The following NDFIP2 variants were observed in gnomAD, a reference collection of about 807,000 sequenced individuals.
The protein encoded by NDFIP2 is NEDD4 family-interacting protein 2.
Under a neutral mutation model 36.0 loss-of-function variants are expected in NDFIP2, and 19 were observed. The ratio of observed to expected loss-of-function variants is 0.53; its 90% CI spans 0.37 to 0.77. NDFIP2 has a LOEUF of 0.77. Ranked by LOEUF, NDFIP2 falls within the 30% of genes least tolerant of loss-of-function variation. The pLI is 0.00. For missense variants in NDFIP2, 446 were observed against 435.8 expected (o/e 1.02, Z -0.21); for synonymous variants, 181 against 167.7 (o/e 1.08, Z -0.61).
At chr13:79,488,327 C>G (rs1405810187) in intron 1 of NDFIP2, among the ~76,000 whole-genome samples, 1 of 151,968 alleles carries the variant, frequency 6.6e-6, no homozygotes, top group Non-Finnish European at 1.5e-5. Flanking sequence ...ATTTCTCTTG[C>G]TATTTTTGTG....
chr13:79,511,816 T>C (rs1295972230), intron 1 of NDFIP2, among the ~76,000 whole-genome samples: 2 of 152,140 alleles, frequency 1.3e-5, no homozygotes, highest in African/African-American at 4.8e-5. Context: ...CCAAATCTAA[T>C]TAGAGATTGC....
rs1459644370 is a variant in NDFIP2 at position 79,539,707 on chromosome 13, G to C, written c.647G>C (p.Arg216Thr). 1.2e-6 allele frequency: 2 copies of C among 1,613,702 alleles called. No homozygotes were observed. Among genetic ancestry groups the C allele is most frequent in the Non-Finnish European group, 1.7e-6 (2 of 1,179,822 alleles). The change falls in exon 4 of 8, where the codon AGA becomes ACA. Residue 216 changes from arginine to threonine, a missense_variant. Physicochemically the swap from Arg to Thr is moderately conservative, Grantham distance 71. Transcript: ENST00000218652. ...ATTCAGGAGGAAGAGTGTCCACCAA[G>C]AGATGACTTCAGTGATGCAGACCAG... ...QRIQEEECPP[R>T]DDFSDADQLR... is the part of the protein sequence containing the mutation.
chr13:79,525,381 A>G (rs1454998706), intron 2 of NDFIP2, among the ~76,000 whole-genome samples: 13 of 152,226 alleles, frequency 8.5e-5, no homozygotes, highest in Non-Finnish European at 1.2e-4. Context: ...TCACAGATAG[A>G]AGATTCGTTT....
chr13:79,539,727 G>T lies in NDFIP2; in HGVS notation c.667G>T (p.Asp223Tyr). ...CPPRDDFSDA[D>Y]QLRVGNDGIF... ...ACCAAGAGATGACTTCAGTGATGCA[G>T]ACCAGCTCAGAGTGGGGAATGATGG... Residue 223 changes from aspartate (D) to tyrosine (Y), a missense_variant, in exon 4 of 8, where the codon GAC (aspartate) becomes TAC (tyrosine). Around this residue, in one of 2 missense-constraint regions of NDFIP2, gnomAD observed 369 missense variants for 304.8 expected, o/e 1.21. Transcript: ENST00000218652. 1 of 1,613,820 alleles carries T rather than the reference G, an allele frequency of 6.2e-7. No individual in the cohort carries two copies. The highest frequency in any genetic ancestry group is 8.5e-7 in the Non-Finnish European group (1 of 1,179,838).
intron 1 of NDFIP2, among the ~76,000 whole-genome samples, chr13:79,485,418 C>T (rs1004310173): frequency 2.0e-5 from 3 of 152,122 alleles, no homozygotes; most frequent in Non-Finnish European, 4.4e-5. Flanking sequence ...GGCTGACTGC[C>T]TTACTGAATA....
intron 1 of NDFIP2, among the ~76,000 whole-genome samples, chr13:79,497,724 C>T (rs1374502497): frequency 3.6e-4 from 35 of 97,248 alleles, no homozygotes; most frequent in Non-Finnish European, 3.7e-4. Context: ...TTTTGTTTTT[C>T]TTTCATGTTG....
chr13:79,537,740 C>G (rs1875297874), intron 3 of NDFIP2, among the ~76,000 whole-genome samples: 1 of 152,152 alleles, frequency 6.6e-6, no homozygotes, highest in African/African-American at 2.4e-5. Flanking sequence ...GATTCAAGTT[C>G]CACTTTGACC....
chr13:79,491,687 G>A (rs1873230085), intron 1 of NDFIP2, among the ~76,000 whole-genome samples: 1 of 152,064 alleles, frequency 6.6e-6, no homozygotes, highest in Non-Finnish European at 1.5e-5. Context: ...ATATATGTAG[G>A]CCTGACTTGA....
intron 4 of NDFIP2, 103 bp from the exon 5 acceptor site, chr13:79,543,455 A>G (rs1875538353): frequency 1.4e-6 from 2 of 1,417,346 alleles, no homozygotes; most frequent in African/African-American, 2.9e-5. Flanking sequence ...GTTAAAAGAA[A>G]GGGAGCTGCT....
intron 1 of NDFIP2, among the ~76,000 whole-genome samples, chr13:79,509,940 G>T (rs762313701): frequency 6.6e-6 from 1 of 152,084 alleles, no homozygotes; most frequent in East Asian, 1.9e-4. Flanking sequence ...TGATTAGATG[G>T]TGCCCACTCA....
intron 2 of NDFIP2, among the ~76,000 whole-genome samples, chr13:79,529,368 T>A (rs1383435716): frequency 2.0e-5 from 3 of 152,204 alleles, no homozygotes; most frequent in African/African-American, 7.2e-5. Flanking sequence ...TTAAAACCTT[T>A]CAGAAATTTA....
At chr13:79,497,793 G>GTGTGTGT (rs1566655451) in intron 1 of NDFIP2, among the ~76,000 whole-genome samples, 1,707 of 92,848 alleles carry the variant, frequency 0.018, 14 homozygotes, top group East Asian at 0.029. Flanking sequence ...TTATCTGTGG[G>GTGTGTGT]GGGTGTGTGT....
intron 1 of NDFIP2, among the ~76,000 whole-genome samples, chr13:79,513,894 G>A (rs189584154): frequency 6.6e-6 from 1 of 152,088 alleles, no homozygotes; most frequent in Admixed American, 6.5e-5. Context: ...TTGATATTTT[G>A]TAAGATTTCA....
chr13:79,530,152 T>C (rs976980421), intron 2 of NDFIP2, among the ~76,000 whole-genome samples: 1 of 152,194 alleles, frequency 6.6e-6, no homozygotes, highest in East Asian at 1.9e-4. Context: ...TGGCAATTTC[T>C]TTTCTTTTTT....
chr13:79,500,404 A>G (rs1294366862), intron 1 of NDFIP2, among the ~76,000 whole-genome samples: 2 of 152,048 alleles, frequency 1.3e-5, no homozygotes, highest in African/African-American at 4.8e-5. Context: ...TGCCAAGAAA[A>G]TAAAAAGTCA....
Position 79,543,547 on chromosome 13 carries a change from G to T in NDFIP2, c.716-11G>T. On this transcript the variant is annotated splice_polypyrimidine_tract_variant and intron_variant, in intron 4 of 7. Transcript: ENST00000218652. ...TGTGGTTTATAAAAGAACGGTTTCT[G>T]TTGCTTTTAGTGGCATTTATTTTCA... 6.2e-7 allele frequency: 1 copy of T among 1,613,246 alleles called. No individual in the cohort carries two copies. Among genetic ancestry groups the T allele is most frequent in the Non-Finnish European group, 8.5e-7 (1 of 1,179,632 alleles).
chr13:79,538,436 C>A (rs1339973218), intron 3 of NDFIP2, among the ~76,000 whole-genome samples: 2 of 152,098 alleles, frequency 1.3e-5, no homozygotes, highest in Admixed American at 6.5e-5. Context: ...CCTGTAAAAT[C>A]AAAAACAAGC....
intron 1 of NDFIP2, among the ~76,000 whole-genome samples, chr13:79,487,699 A>G (rs1003117320): frequency 1.3e-5 from 2 of 152,188 alleles, no homozygotes; most frequent in Non-Finnish European, 2.9e-5. Context: ...ACTTGCAAAC[A>G]TTCTGCTGCT....
intron 1 of NDFIP2, among the ~76,000 whole-genome samples, chr13:79,496,348 G>T (rs1180711055): frequency 1.3e-5 from 2 of 151,850 alleles, no homozygotes; most frequent in Non-Finnish European, 2.9e-5. Context: ...GTATTTGTCT[G>T]TTAGGTCTAT....
Sources: gnomAD v4.1 joint callset for allele counts (sites outside exome capture counted in the v4.1 genomes callset) on GRCh38, gnomAD v4.1.1 for gene constraint, gnomAD v4.1.1 regional missense constraint, MANE v1.5 for transcripts, NCBI Gene and HGNC (gene_info 2026-07-23, HGNC 2026-07-21) for gene names.